The following DDX27 variants were observed in gnomAD, a reference collection of about 807,000 sequenced individuals.
DDX27 encodes probable ATP-dependent RNA helicase DDX27.
Under a neutral mutation model 99.3 loss-of-function variants are expected in DDX27, and 42 were observed. The observed-to-expected ratio is 0.42, with a 90% confidence interval of 0.33 to 0.55. The LOEUF (loss-of-function observed/expected upper bound fraction) is 0.55, where lower values mean the gene tolerates loss of function less well. Ranked by LOEUF, DDX27 falls within the 20% of genes least tolerant of loss-of-function variation. DDX27 has a pLI of 0.07. For missense variants in DDX27, 798 were observed against 976.8 expected (o/e 0.82, Z 2.44); for synonymous variants, 329 against 353.8 (o/e 0.93, Z 0.79).
intron 14 of DDX27, 71 bp from the exon 15 acceptor site, chr20:49,238,878 G>A (rs755633275): frequency 1.2e-5 from 14 of 1,127,120 alleles, no homozygotes; most frequent in South Asian, 4.1e-5. Flanking sequence ...CCAGAGTGCC[G>A]GGTTACAGGT....
chr20:49,243,550 G>C, intron 19 of DDX27, 79 bp from the exon 20 acceptor site: 1 of 1,252,596 alleles, frequency 8.0e-7, no homozygotes, highest in Non-Finnish European at 1.2e-6. Context: ...CTTCATGTAG[G>C]AGCTGGGGAG....
At chr20:49,241,469 TTTTC>T (rs1980473612) in intron 16 of DDX27, among the ~76,000 whole-genome samples, 1 of 151,852 alleles carries the variant, frequency 6.6e-6, no homozygotes, top group Non-Finnish European at 1.5e-5. Context: ...TGCTTGCGGC[TTTTC>T]TTTTCTTTTT....
intron 9 of DDX27, among the ~76,000 whole-genome samples, chr20:49,230,665 C>G (rs769422935): frequency 6.6e-6 from 1 of 152,166 alleles, no homozygotes; most frequent in Non-Finnish European, 1.5e-5. Flanking sequence ...TAAGGACATA[C>G]GCACACCATA....
intron 8 of DDX27, 71 bp downstream of exon 8, chr20:49,228,959 A>G (rs532409981): frequency 9.9e-6 from 14 of 1,412,844 alleles, no homozygotes; most frequent in African/African-American, 5.9e-5. Context: ...GTGCCCCGCC[A>G]TCTGTTGGTG....
intron 16 of DDX27, among the ~76,000 whole-genome samples, chr20:49,240,772 G>A (rs1413461546): frequency 6.6e-6 from 1 of 151,988 alleles, no homozygotes; most frequent in Non-Finnish European, 1.5e-5. Flanking sequence ...CATCATATGA[G>A]TAGATTGTTG....
chr20:49,243,814 A>G lies in DDX27; in HGVS notation c.2280-2A>G. 6.2e-7 allele frequency: 1 copy of G among 1,614,230 alleles called. No homozygotes were observed. The highest frequency in any genetic ancestry group is 1.1e-5 in the South Asian group (1 of 91,084). On this transcript the variant is annotated splice_acceptor_variant, in intron 20 of 20. Coordinates refer to ENST00000618172, the MANE Select transcript of DDX27 (RefSeq NM_017895.8). LOFTEE classifies it high-confidence loss of function. ...CTGGTCTTAACTCTGATTTTCTTAC[A>G]GATACAAGAGGAGGAAGTAGCTGTC... is the stretch of plus-strand genomic sequence containing the variant.
intron 14 of DDX27, 192 bp from the exon 15 acceptor site, chr20:49,238,757 G>A (rs1279958754): frequency 7.1e-6 from 4 of 563,162 alleles, no homozygotes; most frequent in Non-Finnish European, 1.2e-5. Context: ...ATGAGCCACT[G>A]TGCCTGGCTT....
chr20:49,235,129 T>TG (rs768632300), intron 12 of DDX27, 41 bp downstream of exon 12: 2 of 1,549,792 alleles, frequency 1.3e-6, no homozygotes, highest in Non-Finnish European at 1.7e-6. Flanking sequence ...ACCATCCTTC[T>TG]GGGGCAGAGA....
At position 49,219,648 on chromosome 20, in the gene DDX27, T is replaced by C. The variant is rs1489296099; in HGVS notation, c.93+107T>C. 6 of 1,261,206 alleles carry C rather than the reference T, an allele frequency of 4.8e-6. No homozygotes were observed. In the South Asian group the frequency reaches 9.5e-5, roughly 20 times the overall value. 78.1% of individuals were successfully genotyped at this position (1,261,206 alleles called of 1,614,324 possible). A position where few individuals can be genotyped will look rare whatever the true frequency, so the allele number is the denominator to read the frequency against. ...CATCATCCCCTGCCAGCCCCGGAAG[T>C]TTCCCGAAAAGGATCTCACCGGGAC... On this transcript the variant is annotated intron_variant, in intron 1 of 20. Transcript: ENST00000618172.
In DDX27 at chr20:49,243,917, T is replaced by TC; in HGVS notation, c.*85dup. ...GTCATCCTGGCTGGTCTGTCTTTTCTCCATTTGTTTAAAAAAAAAACAAAA... is the reference window on the plus strand; with the variant it reads ...GTCATCCTGGCTGGTCTGTCTTTTCTCCCATTTGTTTAAAAAAAAAACAAAA... On this transcript the variant is annotated 3_prime_UTR_variant, in exon 21 of 21. Coordinates refer to ENST00000618172, the MANE Select transcript of DDX27 (RefSeq NM_017895.8). 3.3e-6 allele frequency: 5 copies of TC among 1,511,336 alleles called. No individual in the cohort carries two copies. The highest frequency in any genetic ancestry group is 4.5e-6 in the Non-Finnish European group (5 of 1,107,152). The allele number at this position is 1,511,336 out of a possible 1,614,324, so 93.6% of individuals were successfully genotyped here.
At position 49,222,963 on chromosome 20, in the gene DDX27, G is replaced by A; in HGVS notation, c.247G>A (p.Ala83Thr). 1.2e-6 allele frequency: 2 copies of A among 1,611,896 alleles called. No individual in the cohort carries two copies. Among genetic ancestry groups the A allele is most frequent in the Admixed American group, 1.7e-5 (1 of 59,688 alleles). Residue 83 changes from alanine to threonine, a missense_variant, in exon 3 of 21, where the codon GCC becomes ACC. This residue lies in a region of DDX27 where 245 missense variants were observed against 248.8 expected (regional missense o/e 0.98). Transcript: ENST00000618172. ...TCTTTATTTTTATCTGCAGAGGGCA[G>A]CCACTACATTAGATGAGAAGATTGA... ...VMSQLKKKRA[A>T]TTLDEKIEKV... is the part of the protein sequence containing the mutation.
rs1339882487 is a variant in DDX27 at position 49,236,814 on chromosome 20, AAG to A, written c.1687+312_1687+313del. Among the ~76,000 whole-genome samples, 4 of 152,100 alleles carry A rather than the reference AAG, an allele frequency of 2.6e-5. No individual in the cohort carries two copies. Among genetic ancestry groups the A allele is most frequent in the Non-Finnish European group, 5.9e-5 (4 of 68,022 alleles). ...CTTTCCCTTACTGTTGGTGGTGGGGAAGAGAGAGATCAGTACTCATTCTTTTT... is the reference window on the plus strand; with the variant it reads ...CTTTCCCTTACTGTTGGTGGTGGGGAAGAGAGATCAGTACTCATTCTTTTT... On this transcript the variant is annotated intron_variant, in intron 14 of 20. Transcript: ENST00000618172. This position sits in a 1 kb window ranked among gnomAD's most constrained non-coding sequence, Gnocchi z 4.1.
rs766289153 is a variant in DDX27, at chr20:49,243,624, C to T, written c.2205-5C>T. ...CTCATTTCAGCATGTCATCTTCTCTCACAGCCCTTCCTTTGAAGAAAGGAA... is the reference window on the plus strand; with the variant it reads ...CTCATTTCAGCATGTCATCTTCTCTTACAGCCCTTCCTTTGAAGAAAGGAA... On this transcript the variant is annotated splice_region_variant and splice_polypyrimidine_tract_variant and intron_variant, in intron 19 of 20. Transcript: ENST00000618172. The T allele has an allele frequency of 8.1e-6, 13 of 1,614,096 alleles. No individual in the cohort carries two copies. Among genetic ancestry groups the T allele is most frequent in the Non-Finnish European group, 1.1e-5 (13 of 1,179,974 alleles).
intron 1 of DDX27, among the ~76,000 whole-genome samples, chr20:49,221,071 C>T (rs1048689527): frequency 6.6e-6 from 1 of 152,214 alleles, no homozygotes; most frequent in African/African-American, 2.4e-5. Flanking sequence ...AGGCAATCCT[C>T]CTGCCTCAGC....
intron 2 of DDX27, among the ~76,000 whole-genome samples, chr20:49,222,669 C>G (rs1427227779): frequency 1.3e-5 from 2 of 151,832 alleles, no homozygotes; most frequent in African/African-American, 4.8e-5. Context: ...CATGCACCAC[C>G]ACACCCGGCT....
At chr20:49,220,824 A>AAAAAC (rs542947525) in intron 1 of DDX27, among the ~76,000 whole-genome samples, 22 of 151,580 alleles carry the variant, frequency 1.5e-4, no homozygotes, top group East Asian at 9.8e-4. Context: ...TCAAATTGCT[A>AAAAAC]AAAACAAAAC....
At chr20:49,235,820 T>G (rs1370416637) in intron 12 of DDX27, 1 of 170,492 alleles carries the variant, frequency 5.9e-6, no homozygotes, top group Non-Finnish European at 1.2e-5. Flanking sequence ...CTTGGCTTAC[T>G]GCAAGCTCCG....
At chr20:49,239,403 T>C in intron 16 of DDX27, 65 bp downstream of exon 16, 2 of 1,224,726 alleles carry the variant, frequency 1.6e-6, no homozygotes, top group Non-Finnish European at 2.3e-6. Context: ...AGCAGTTCCA[T>C]TTCCTAGTTC....
At position 49,224,947 on chromosome 20, in the gene DDX27, AC is replaced by A; in HGVS notation, c.470del (p.Thr157AsnfsTer4). 1 of 1,614,204 alleles carries A rather than the reference AC, an allele frequency of 6.2e-7. No individual in the cohort carries two copies. The highest frequency in any genetic ancestry group is 8.5e-7 in the Non-Finnish European group (1 of 1,180,040). On this transcript the variant is annotated frameshift_variant, in exon 5 of 21. Coordinates refer to ENST00000618172, the MANE Select transcript of DDX27 (RefSeq NM_017895.8). LOFTEE classifies it high-confidence loss of function. ...ATCAGCTAAGTTTTTCTCCATAGATACACTCAAAGTAAAGGATCGGAAGAAG... is the reference window on the plus strand; with the variant it reads ...ATCAGCTAAGTTTTTCTCCATAGATAACTCAAAGTAAAGGATCGGAAGAAG... Reference protein sequence around the residue: ...ADENILTKADTLKVKDRKKKK... With the variant: ...ADENILTKADXLKVKDRKKKK...
Sources: allele counts gnomAD v4.1 joint callset (sites outside exome capture counted in the v4.1 genomes callset), GRCh38; gene constraint gnomAD v4.1.1; regional missense constraint gnomAD v4.1.1; non-coding constraint Gnocchi (gnomAD v3.1); transcripts MANE v1.5; gene names NCBI Gene and HGNC (gene_info 2026-07-23, HGNC 2026-07-21).